SLC4A7: variants seen among roughly 807,000 people sequenced by gnomAD.
SLC4A7 encodes solute carrier family 4 member 7.
In SLC4A7, 51 loss-of-function variants were observed where a neutral mutation model predicts 137.6. That is an observed-to-expected ratio of 0.37 (90% CI 0.30 to 0.47). SLC4A7 has a LOEUF of 0.47. Among genes scored for constraint, SLC4A7 ranks in the 20% least tolerant of loss-of-function variants. SLC4A7 has a pLI of 1.00. For missense variants in SLC4A7, 1,247 were observed against 1,525.4 expected (o/e 0.82, Z 3.04); for synonymous variants, 542 against 518.6 (o/e 1.05, Z -0.61).
intron 1 of SLC4A7, among the ~76,000 whole-genome samples, chr3:27,453,523 G>C (rs1253569381): frequency 6.6e-6 from 1 of 152,216 alleles, no homozygotes; most frequent in Non-Finnish European, 1.5e-5. Context: ...TGAGGCAGGA[G>C]AATCACTTGA....
intron 11 of SLC4A7, among the ~76,000 whole-genome samples, chr3:27,417,539 A>G (rs2054512752): frequency 6.6e-6 from 1 of 152,160 alleles, no homozygotes; most frequent in Non-Finnish European, 1.5e-5. Context: ...GGATCACTAG[A>G]GTCCAGGAGT....
chr3:27,409,883 A>G (rs2053739418), intron 12 of SLC4A7, among the ~76,000 whole-genome samples: 1 of 152,230 alleles, frequency 6.6e-6, no homozygotes, highest in Admixed American at 6.5e-5. Context: ...GTGCATAAGC[A>G]ATTCTATTAA....
At position 27,443,024 on chromosome 3, in the gene SLC4A7, C is replaced by CTTTTTTTTTTTTTTTTTT. The variant is rs1156950293; in HGVS notation, c.290-5499_290-5498insAAAAAAAAAAAAAAAAAA. On this transcript the variant is annotated intron_variant, in intron 3 of 25. Coordinates refer to ENST00000454389, the MANE Select transcript of SLC4A7 (RefSeq NM_001321103.2). ...CACCGCGCTGGGCATTCTCTTTTTTCTTTTTTTCTTTTTTTTTTTTTTTTT... is the reference window on the plus strand; with the variant it reads ...CACCGCGCTGGGCATTCTCTTTTTTCTTTTTTTTTTTTTTTTTTTTTTTTTCTTTTTTTTTTTTTTTTT... Among the ~76,000 whole-genome samples, 2 of 102,142 alleles carry CTTTTTTTTTTTTTTTTTT rather than the reference C, an allele frequency of 2.0e-5. 1 individual carries two copies. 67.0% of individuals were successfully genotyped at this position (102,142 alleles called of 152,430 possible). A position where few individuals can be genotyped will look rare whatever the true frequency, so the allele number is the denominator to read the frequency against.
intron 1 of SLC4A7, among the ~76,000 whole-genome samples, chr3:27,461,571 A>T (rs2058696370): frequency 6.7e-6 from 1 of 150,344 alleles, no homozygotes; most frequent in Non-Finnish European, 1.5e-5. Flanking sequence ...TAGGATTTTG[A>T]GACTAGCCTA....
At chr3:27,453,760 T>C (rs1011334685) in intron 1 of SLC4A7, among the ~76,000 whole-genome samples, 2 of 152,230 alleles carry the variant, frequency 1.3e-5, no homozygotes, top group African/African-American at 4.8e-5. Context: ...CCACTATTTG[T>C]TATCCAAAAC....
At chr3:27,410,414 C>A (rs1297905864) in intron 12 of SLC4A7, among the ~76,000 whole-genome samples, 3 of 152,086 alleles carry the variant, frequency 2.0e-5, no homozygotes, top group Non-Finnish European at 4.4e-5. Flanking sequence ...ATCCCAACTG[C>A]AAGAAAATTG....
chr3:27,384,586 C>A (rs2050748656), intron 23 of SLC4A7, among the ~76,000 whole-genome samples: 1 of 152,094 alleles, frequency 6.6e-6, no homozygotes, highest in African/African-American at 2.4e-5. Context: ...GAACCTCATT[C>A]TAATTAATAC....
chr3:27,445,779 A>C (rs1261463018), intron 3 of SLC4A7, among the ~76,000 whole-genome samples: 1 of 147,164 alleles, frequency 6.8e-6, no homozygotes, highest in African/African-American at 2.5e-5. Flanking sequence ...AAAAAAAAAA[A>C]AAATTAGCCG....
At chr3:27,414,591 T>C (rs2054211981) in intron 11 of SLC4A7, among the ~76,000 whole-genome samples, 1 of 152,230 alleles carries the variant, frequency 6.6e-6, no homozygotes, top group African/African-American at 2.4e-5. Flanking sequence ...TTTCCTTCAG[T>C]ACCCAAACCA....
chr3:27,474,442 A>G (rs1159091682), intron 1 of SLC4A7, among the ~76,000 whole-genome samples: 1 of 152,198 alleles, frequency 6.6e-6, no homozygotes, highest in Non-Finnish European at 1.5e-5. Flanking sequence ...AAAATGGTTA[A>G]ATCATTTAAA....
intron 1 of SLC4A7, among the ~76,000 whole-genome samples, chr3:27,483,278 T>C (rs2059792253): frequency 6.6e-6 from 1 of 152,220 alleles, no homozygotes; most frequent in Non-Finnish European, 1.5e-5. Context: ...CGGCCTTAAG[T>C]CCATCCCCAT....
In SLC4A7 at chr3:27,390,276, G is replaced by C. The variant is rs895036709; in HGVS notation, c.3187-172C>G. ...CATTCTCTGGATCCAAAGTGGGGTC[G>C]GGTGGGGGAGGGTGGCAGGTGGGAA... On this transcript the variant is annotated intron_variant, in intron 21 of 25. Coordinates refer to ENST00000454389, the MANE Select transcript of SLC4A7 (RefSeq NM_001321103.2). 2.2e-5 allele frequency: 10 copies of C among 447,204 alleles called. No individual in the cohort carries two copies. In the Admixed American group the frequency reaches 3.6e-4, roughly 16 times the overall value. 27.7% of individuals were successfully genotyped at this position (447,204 alleles called of 1,614,324 possible). A position where few individuals can be genotyped will look rare whatever the true frequency, so the allele number is the denominator to read the frequency against.
At chr3:27,429,488 A>G (rs987332171) in intron 7 of SLC4A7, among the ~76,000 whole-genome samples, 1 of 152,212 alleles carries the variant, frequency 6.6e-6, no homozygotes, top group Non-Finnish European at 1.5e-5. Context: ...GCAGTCAGTC[A>G]TTAGAGAACT....
intron 18 of SLC4A7, 112 bp from the exon 19 acceptor site, chr3:27,395,227 T>C (rs2052016797): frequency 5.9e-6 from 4 of 673,616 alleles, no homozygotes; most frequent in Non-Finnish European, 7.0e-6. Context: ...GGGAAATAAC[T>C]TAAATCTTGA....
intron 8 of SLC4A7, among the ~76,000 whole-genome samples, chr3:27,422,457 G>A (rs534041015): frequency 2.6e-5 from 4 of 152,166 alleles, no homozygotes; most frequent in South Asian, 2.1e-4. Flanking sequence ...TTTTGTAGAG[G>A]TGGGGGGCTT....
chr3:27,387,943 A>C (rs1459446389), intron 22 of SLC4A7, among the ~76,000 whole-genome samples: 2 of 152,150 alleles, frequency 1.3e-5, no homozygotes, highest in African/African-American at 4.8e-5. Flanking sequence ...AAGCTAATAC[A>C]AATGCTATTA....
At chr3:27,473,858 T>C (rs563054782) in intron 1 of SLC4A7, among the ~76,000 whole-genome samples, 118 of 152,200 alleles carry the variant, frequency 7.8e-4, no homozygotes, top group African/African-American at 2.3e-3. Flanking sequence ...TGTGCACAAA[T>C]TGTGTGTGTA....
intron 1 of SLC4A7, among the ~76,000 whole-genome samples, chr3:27,463,014 C>T (rs1271027137): frequency 1.3e-5 from 2 of 152,236 alleles, no homozygotes; most frequent in African/African-American, 4.8e-5. Context: ...AGGGACTGGG[C>T]GCAGTGGCTC....
intron 22 of SLC4A7, among the ~76,000 whole-genome samples, chr3:27,386,756 T>C (rs1415542222): frequency 2.6e-5 from 4 of 152,304 alleles, no homozygotes; most frequent in African/African-American, 9.6e-5. Flanking sequence ...CTTTTACACT[T>C]GGGTTTTCCT....
Sources: allele counts gnomAD v4.1 joint callset (sites outside exome capture counted in the v4.1 genomes callset), GRCh38; gene constraint gnomAD v4.1.1; transcripts MANE v1.5; gene names NCBI Gene and HGNC (gene_info 2026-07-23, HGNC 2026-07-21).